The following PADI4 variants were observed in gnomAD, a reference collection of about 807,000 sequenced individuals.
PADI4 encodes peptidyl arginine deiminase 4.
A neutral mutation model predicts 75.0 loss-of-function variants in PADI4; 62 were observed. The ratio of observed to expected loss-of-function variants is 0.83; its 90% CI spans 0.67 to 1.02. The LOEUF (loss-of-function observed/expected upper bound fraction) is 1.02. Among genes scored for constraint, PADI4 ranks in the 50% least tolerant of loss-of-function variants. The pLI is 0.00. For missense variants in PADI4, 845 were observed against 850.5 expected, an observed-to-expected ratio of 0.99 and a Z score of 0.08; for synonymous variants, 361 against 348.1, an observed-to-expected ratio of 1.04 and a Z score of -0.41.
chr1:17,352,189 A>G (rs2100230378), intron 10 of PADI4, among the ~76,000 whole-genome samples: 1 of 117,050 alleles, frequency 8.5e-6, no homozygotes, highest in African/African-American at 2.9e-5. Flanking sequence ...AGAGGCGGTC[A>G]GGGAGGAGAT....
At chr1:17,314,237 G>A (rs1006361461) in intron 1 of PADI4, among the ~76,000 whole-genome samples, 9 of 152,272 alleles carry the variant, frequency 5.9e-5, no homozygotes, top group South Asian at 4.1e-4. Context: ...GACACAGGGC[G>A]TGTCCCTCTC....
At chr1:17,311,325 G>A (rs1251378112) in intron 1 of PADI4, among the ~76,000 whole-genome samples, 1 of 151,630 alleles carries the variant, frequency 6.6e-6, no homozygotes, top group Admixed American at 6.6e-5. Flanking sequence ...ACCCTGCTTC[G>A]CAGCCCACCC....
At chr1:17,322,259 G>C (rs557675907) in intron 1 of PADI4, among the ~76,000 whole-genome samples, 2 of 152,178 alleles carry the variant, frequency 1.3e-5, no homozygotes, top group African/African-American at 4.8e-5. Flanking sequence ...AGGCCAAGGC[G>C]GGTGGATCAC....
At chr1:17,326,523 C>G (rs2074119500) in intron 1 of PADI4, among the ~76,000 whole-genome samples, 1 of 152,128 alleles carries the variant, frequency 6.6e-6, no homozygotes. Flanking sequence ...TAAAAACATA[C>G]TTTATACTAG....
chr1:17,330,313 T>C (rs2074187335), intron 1 of PADI4, among the ~76,000 whole-genome samples: 1 of 152,162 alleles, frequency 6.6e-6, no homozygotes, highest in Admixed American at 6.6e-5. Flanking sequence ...TTTTTACACC[T>C]GTTGGGAAAA....
chr1:17,361,084 G>A (rs2074841798), intron 15 of PADI4, among the ~76,000 whole-genome samples: 1 of 150,056 alleles, frequency 6.7e-6, no homozygotes, highest in Admixed American at 6.7e-5. Flanking sequence ...TACAGTTCAG[G>A]GAGGAGCCAG....
rs149184029 is a variant in PADI4, at chr1:17,333,060, C to T, written c.274-883C>T. On this transcript the variant is annotated intron_variant, in intron 2 of 15. Transcript: ENST00000375448. ...TTGGTATCAGGGACCTCATTTTCTGCAAACAACAGGAAGCCAACAAAAAGT... is the reference window on the plus strand; with the variant it reads ...TTGGTATCAGGGACCTCATTTTCTGTAAACAACAGGAAGCCAACAAAAAGT... Among the ~76,000 whole-genome samples, 831 of 152,202 alleles carry T rather than the reference C, an allele frequency of 5.5e-3. 9 individuals carry two copies. The highest frequency in any genetic ancestry group is 0.019 in the African/African-American group (791 of 41,530).
Position 17,326,446 on chromosome 1 carries a change from T to A in PADI4, c.93-4523T>A, listed in dbSNP as rs970898135. Among the ~76,000 whole-genome samples the A allele has an allele frequency of 1.6e-4, 25 of 152,366 alleles. No homozygotes were observed. The Middle Eastern group carries it at 0.017, about 104-fold the overall frequency. On this transcript the variant is annotated intron_variant, in intron 1 of 15. Coordinates refer to ENST00000375448, the MANE Select transcript of PADI4 (RefSeq NM_012387.3). ...AAGTATTATTACTTAATTTCCATTA[T>A]TAATTGTCCTTTGACTTGTAAGTAA...
At chr1:17,339,870 T>C in intron 6 of PADI4, 57 bp downstream of exon 6, 5 of 1,521,862 alleles carry the variant, frequency 3.3e-6, no homozygotes, top group Non-Finnish European at 4.5e-6. Flanking sequence ...CACAATCCTG[T>C]CACACAGCTG....
chr1:17,354,205 G>A (rs931586479), intron 10 of PADI4, among the ~76,000 whole-genome samples: 10 of 152,042 alleles, frequency 6.6e-5, no homozygotes, highest in Non-Finnish European at 2.9e-5. Context: ...ATCATGCCAC[G>A]GCCCTCCAAC....
At chr1:17,330,703 G>A (rs1346321827) in intron 1 of PADI4, among the ~76,000 whole-genome samples, 1 of 152,182 alleles carries the variant, frequency 6.6e-6, no homozygotes. Flanking sequence ...TCTTCCACCT[G>A]TTTTTGTTGT....
chr1:17,308,229 C>T lies in PADI4; in HGVS notation c.7C>T (p.Gln3Ter). Residue 3 changes from glutamine (Q) to a stop codon, truncating the protein, a stop_gained, in exon 1 of 16, where the codon CAG (glutamine) becomes TAG (stop). Coordinates refer to ENST00000375448, the MANE Select transcript of PADI4 (RefSeq NM_012387.3). LOFTEE classifies it high-confidence loss of function. Reference sequence around the variant, plus strand: ...GGGACGAGCTAGCCCGACGATGGCCCAGGGGACATTGATCCGTGTGACCCC... The same window carrying T: ...GGGACGAGCTAGCCCGACGATGGCCTAGGGGACATTGATCCGTGTGACCCC... MA[Q>*]GTLIRVTPEQ... The T allele has an allele frequency of 6.2e-7, 1 of 1,614,020 alleles. No individual in the cohort carries two copies. Among genetic ancestry groups the T allele is most frequent in the Non-Finnish European group, 8.5e-7 (1 of 1,179,960 alleles).
intron 10 of PADI4, among the ~76,000 whole-genome samples, chr1:17,351,110 A>G (rs71512937): frequency 0.026 from 3,367 of 130,298 alleles, 673 homozygotes; most frequent in Non-Finnish European, 0.034. Context: ...AGGTGGGAGG[A>G]TCGCTTGAGC....
intron 14 of PADI4, 103 bp downstream of exon 14, chr1:17,359,011 T>A (rs2074807897): frequency 1.0e-5 from 8 of 794,362 alleles, no homozygotes; most frequent in African/African-American, 1.8e-5. Flanking sequence ...GGTCTCAGGA[T>A]GCGCTGGAAG....
chr1:17,342,818 A>G (rs1333326651), intron 8 of PADI4, among the ~76,000 whole-genome samples: 1 of 152,150 alleles, frequency 6.6e-6, no homozygotes, highest in East Asian at 1.9e-4. Context: ...CTACTAAAAA[A>G]TACAAAAATT....
Position 17,346,878 on chromosome 1 carries a change from A to G in PADI4, c.1047+739A>G, listed in dbSNP as rs565489705. Reference sequence around the variant, plus strand: ...TCCATAAATTTCCCCCATCACCCCCAGCAGGAATTCATCCCTCTTTCTTTT... The same window carrying G: ...TCCATAAATTTCCCCCATCACCCCCGGCAGGAATTCATCCCTCTTTCTTTT... On this transcript the variant is annotated intron_variant, in intron 9 of 15. Coordinates refer to ENST00000375448, the MANE Select transcript of PADI4 (RefSeq NM_012387.3). The surrounding 1 kb of genome is among the most constrained non-coding windows in gnomAD (Gnocchi z 4.3). 1.9e-4 allele frequency among the ~76,000 whole-genome samples: 28 copies of G among 150,560 alleles called. No individual in the cohort carries two copies. In the East Asian group the frequency reaches 5.3e-3, roughly 28 times the overall value.
intron 8 of PADI4, among the ~76,000 whole-genome samples, chr1:17,343,261 T>C (rs2074455723): frequency 6.6e-6 from 1 of 152,204 alleles, no homozygotes; most frequent in Non-Finnish European, 1.5e-5. Flanking sequence ...AATGCACCTT[T>C]CTGGCTGCCT....
chr1:17,341,351 G>A (rs1052303966), intron 6 of PADI4, among the ~76,000 whole-genome samples: 10 of 151,956 alleles, frequency 6.6e-5, no homozygotes, highest in Non-Finnish European at 1.0e-4. Flanking sequence ...CTCCTGCCTC[G>A]GCCTCCCAAA....
chr1:17,342,155 T>C (rs1349220653), intron 7 of PADI4, 34 bp downstream of exon 7: 1 of 1,601,778 alleles, frequency 6.2e-7, no homozygotes, highest in Admixed American at 1.7e-5. Flanking sequence ...ATCGGGGGCC[T>C]GGGCTTCCAG....
Sources: allele counts gnomAD v4.1 joint callset (sites outside exome capture counted in the v4.1 genomes callset), GRCh38; gene constraint gnomAD v4.1.1; non-coding constraint Gnocchi (gnomAD v3.1); transcripts MANE v1.5; gene names NCBI Gene and HGNC (gene_info 2026-07-23, HGNC 2026-07-21).